The following TAF1B variants were observed in gnomAD, a reference collection of about 807,000 sequenced individuals.
TAF1B encodes TATA-box binding protein associated factor, RNA polymerase I subunit B, also known as TATA box-binding protein-associated factor RNA polymerase I subunit B.
In TAF1B, 61 loss-of-function variants were observed where a neutral mutation model predicts 83.9. The ratio of observed to expected loss-of-function variants is 0.73; its 90% CI spans 0.59 to 0.90. The LOEUF (loss-of-function observed/expected upper bound fraction) is 0.90, where lower values mean the gene tolerates loss of function less well. Among genes scored for constraint, TAF1B ranks in the 40% least tolerant of loss-of-function variants. The pLI is 0.00. For missense variants in TAF1B, 625 were observed against 677.0 expected, an observed-to-expected ratio of 0.92 and a Z score of 0.85; for synonymous variants, 221 against 224.6, an observed-to-expected ratio of 0.98 and a Z score of 0.14.
chr2:9,845,281 G>T lies in TAF1B; in HGVS notation c.80G>T (p.Gly27Val). 1 of 1,613,746 alleles carries T rather than the reference G, an allele frequency of 6.2e-7. No individual in the cohort carries two copies. The highest frequency in any genetic ancestry group is 1.1e-5 in the South Asian group (1 of 91,072). ...AAVSWGLTDE[G>V]KYYCTSCHNV... The stretch of plus-strand genomic sequence containing the variant: ...GTCTCATGGGGTCTTACTGATGAAG[G>T]CAAATATTATTGCACTTCTTGCCAC... Residue 27 changes from glycine to valine, a missense_variant, in exon 2 of 15, where the codon GGC becomes GTC. By Grantham distance (109) the Gly-to-Val change is moderately radical. Coordinates refer to ENST00000263663, the MANE Select transcript of TAF1B (RefSeq NM_005680.3).
At chr2:9,855,394 C>T (rs1433058218) in intron 5 of TAF1B, among the ~76,000 whole-genome samples, 1 of 152,156 alleles carries the variant, frequency 6.6e-6, no homozygotes, top group Non-Finnish European at 1.5e-5. Context: ...GTTGAAAATG[C>T]AGGCTGAGTG....
At chr2:9,845,149 C>A in intron 1 of TAF1B, 71 bp from the exon 2 acceptor site, 1 of 1,122,174 alleles carries the variant, frequency 8.9e-7, no homozygotes, top group Non-Finnish European at 1.3e-6. Context: ...TTAAATAGAA[C>A]TGCAAGGTTT....
At position 9,916,837 on chromosome 2, in the gene TAF1B, C is replaced by CTTTTTTTTTTTTT. The variant is rs371475463; in HGVS notation, c.1272-2198_1272-2186dup. ...TGATTAGAAAAATTTCCTTTCTGTT[C>CTTTTTTTTTTTTT]TTTTTTTTTTTTTTTTTTGAGATGG... On this transcript the variant is annotated intron_variant, in intron 12 of 14. Coordinates refer to ENST00000263663, the MANE Select transcript of TAF1B (RefSeq NM_005680.3). Among the ~76,000 whole-genome samples the CTTTTTTTTTTTTT allele has an allele frequency of 8.1e-3, 771 of 95,568 alleles. 53 individuals carry two copies. The highest frequency in any genetic ancestry group is 0.012 in the Non-Finnish European group (526 of 44,338). The allele number at this position is 95,568 out of a possible 152,430, so 62.7% of individuals were successfully genotyped here. A position where few individuals can be genotyped will look rare whatever the true frequency, so the allele number is the denominator to read the frequency against.
At chr2:9,847,791 T>C (rs1052170868) in intron 2 of TAF1B, among the ~76,000 whole-genome samples, 4 of 152,204 alleles carry the variant, frequency 2.6e-5, no homozygotes, top group African/African-American at 9.6e-5. Context: ...ATGTTTACTA[T>C]AGAAAATTTG....
chr2:9,904,829 G>A, intron 8 of TAF1B, 30 bp from the exon 9 acceptor site: 8 of 1,583,434 alleles, frequency 5.1e-6, no homozygotes, highest in Non-Finnish European at 6.9e-6. Flanking sequence ...TGCAAAAATT[G>A]CAACTATGAT....
chr2:9,904,781 A>T lies in TAF1B; in HGVS notation c.808-78A>T, dbSNP rs111447233. ...ATTTTTTTACTTTTTAATAATAGCCATTCTAAATCAGAACATATTTTTAAA... is the reference window on the plus strand; with the variant it reads ...ATTTTTTTACTTTTTAATAATAGCCTTTCTAAATCAGAACATATTTTTAAA... On this transcript the variant is annotated intron_variant, in intron 8 of 14. Coordinates refer to ENST00000263663, the MANE Select transcript of TAF1B (RefSeq NM_005680.3). The T allele has an allele frequency of 2.1e-3, 2,883 of 1,399,706 alleles. 34 individuals carry two copies. The Middle Eastern group carries it at 0.021, about 10-fold the overall frequency. The allele number at this position is 1,399,706 out of a possible 1,614,324, so 86.7% of individuals were successfully genotyped here. A position where few individuals can be genotyped will look rare whatever the true frequency, so the allele number is the denominator to read the frequency against.
At chr2:9,875,150 G>C (rs1271623129) in intron 6 of TAF1B, among the ~76,000 whole-genome samples, 2 of 151,888 alleles carry the variant, frequency 1.3e-5, no homozygotes, top group Non-Finnish European at 2.9e-5. Flanking sequence ...TTTTAGTAAA[G>C]ACAAGATTTC....
chr2:9,920,544 A>G (rs924874170), intron 14 of TAF1B, among the ~76,000 whole-genome samples: 3 of 122,010 alleles, frequency 2.5e-5, no homozygotes, highest in Non-Finnish European at 3.2e-5. Context: ...TCCTCAGGGT[A>G]TCATTTCTCA....
At chr2:9,899,280 C>T (rs564887428) in intron 8 of TAF1B, among the ~76,000 whole-genome samples, 4 of 152,182 alleles carry the variant, frequency 2.6e-5, no homozygotes, top group South Asian at 4.2e-4. Context: ...TTGTGTCTGG[C>T]GTCTGGCTTA....
chr2:9,851,316 A>G (rs777994641), intron 3 of TAF1B, among the ~76,000 whole-genome samples: 7 of 152,202 alleles, frequency 4.6e-5, no homozygotes, highest in Non-Finnish European at 7.3e-5. Flanking sequence ...ATTTAGTTTC[A>G]GCATTTGTGT....
intron 8 of TAF1B, among the ~76,000 whole-genome samples, chr2:9,901,720 G>T (rs1001177159): frequency 6.6e-6 from 1 of 152,138 alleles, no homozygotes; most frequent in South Asian, 2.1e-4. Flanking sequence ...CAAATTCTGT[G>T]CAGAATGAAC....
intron 8 of TAF1B, among the ~76,000 whole-genome samples, chr2:9,900,664 AAAGACTATCACTG>A (rs1163133006): frequency 6.6e-6 from 1 of 152,182 alleles, no homozygotes; most frequent in African/African-American, 2.4e-5. Flanking sequence ...AAGTGATGAG[AAAGACTATCACTG>A]AAGACCAGGC....
chr2:9,909,363 C>A (rs192857248), intron 9 of TAF1B, among the ~76,000 whole-genome samples: 14 of 152,318 alleles, frequency 9.2e-5, no homozygotes, highest in Non-Finnish European at 1.5e-5. Flanking sequence ...CATGTCTGTT[C>A]TTAGAGGAGG....
intron 2 of TAF1B, among the ~76,000 whole-genome samples, chr2:9,847,246 T>TAAA (rs1663234455): frequency 6.6e-6 from 1 of 152,198 alleles, no homozygotes; most frequent in Non-Finnish European, 1.5e-5. Flanking sequence ...AACATCTTTA[T>TAAA]AAAGACCAAG....
At chr2:9,872,822 T>G (rs1478926812) in intron 6 of TAF1B, among the ~76,000 whole-genome samples, 1 of 152,230 alleles carries the variant, frequency 6.6e-6, no homozygotes, top group Non-Finnish European at 1.5e-5. Context: ...CCTTAAACTT[T>G]AGCATCCATC....
At chr2:9,843,666 G>T in intron 1 of TAF1B, 107 bp downstream of exon 1, 2 of 1,263,958 alleles carry the variant, frequency 1.6e-6, no homozygotes, top group Non-Finnish European at 2.1e-6. Context: ...GACGCCACCG[G>T]CTGGAGGAAG....
intron 6 of TAF1B, among the ~76,000 whole-genome samples, chr2:9,873,178 T>C (rs2125149713): frequency 6.6e-6 from 1 of 152,326 alleles, no homozygotes; most frequent in East Asian, 1.9e-4. Flanking sequence ...GAGACTGTTC[T>C]GGGCACTGGG....
At chr2:9,851,430 A>C (rs1375321704) in intron 3 of TAF1B, 111 bp from the exon 4 acceptor site, 2 of 880,188 alleles carry the variant, frequency 2.3e-6, no homozygotes, top group Non-Finnish European at 3.4e-6. Context: ...GTTAATTGAA[A>C]AAAAAAGAAA....
rs766375021 is a variant in TAF1B, at chr2:9,933,771, T to C, written c.1566-12T>C. 1 of 1,595,006 alleles carries C rather than the reference T, an allele frequency of 6.3e-7. No individual in the cohort carries two copies. Among genetic ancestry groups the C allele is most frequent in the Non-Finnish European group, 8.5e-7 (1 of 1,171,808 alleles). On this transcript the variant is annotated splice_polypyrimidine_tract_variant and intron_variant, in intron 14 of 14. Transcript: ENST00000263663. The stretch of plus-strand genomic sequence containing the variant: ...ATCTAAAGATAAATTCTTTTTTCTT[T>C]TTCCCTTCTAGCTATTGTACACATG...
Sources: allele counts gnomAD v4.1 joint callset (sites outside exome capture counted in the v4.1 genomes callset), GRCh38; gene constraint gnomAD v4.1.1; transcripts MANE v1.5; gene names NCBI Gene and HGNC (gene_info 2026-07-23, HGNC 2026-07-21).